The following RLF variants were observed in gnomAD, a reference collection of about 807,000 sequenced individuals.
RLF encodes zinc finger protein Rlf.
Under a neutral mutation model 162.9 loss-of-function variants are expected in RLF, and 7 were observed. The observed-to-expected ratio is 0.04, with a 90% CI of 0.02 to 0.08. RLF has a LOEUF of 0.08. Ranked by LOEUF, RLF falls within the 10% of genes least tolerant of loss-of-function variation. RLF has a pLI of 1.00. For missense variants in RLF, 1,664 were observed against 2,244.7 expected (o/e 0.74, Z 5.23); for synonymous variants, 782 against 791.5 (o/e 0.99, Z 0.20).
At position 40,209,825 on chromosome 1, in the gene RLF, C is replaced by G. The variant is rs1344534131; in HGVS notation, c.810+7211C>G. 2.0e-5 allele frequency among the ~76,000 whole-genome samples: 3 copies of G among 151,020 alleles called. No individual in the cohort carries two copies. The East Asian group carries it at 5.8e-4, about 29-fold the overall frequency. ...CCAGGAGGCAGAGGTTGCAGTAAGC[C>G]AGGATCGTGCCATTTGCACTCGAGC... is the stretch of plus-strand genomic sequence containing the variant. On this transcript the variant is annotated intron_variant, in intron 5 of 7. Transcript: ENST00000372771.
intron 3 of RLF, among the ~76,000 whole-genome samples, chr1:40,193,655 G>A (rs1642590298): frequency 6.6e-6 from 1 of 152,082 alleles, no homozygotes; most frequent in African/African-American, 2.4e-5. Flanking sequence ...TGCAGCATTT[G>A]TTAAATATTG....
chr1:40,178,632 G>GTTTTTTTTTTTTT (rs57391266), intron 1 of RLF, among the ~76,000 whole-genome samples: 21 of 88,412 alleles, frequency 2.4e-4, no homozygotes, highest in East Asian at 7.1e-4. Flanking sequence ...TTTTTTTTTT[G>GTTTTTTTTTTTTT]TTTTTTTTTT....
intron 1 of RLF, among the ~76,000 whole-genome samples, chr1:40,185,615 A>G (rs1167210944): frequency 8.0e-6 from 1 of 125,596 alleles, no homozygotes; most frequent in Non-Finnish European, 1.7e-5. Context: ...GCTCGAGACC[A>G]TCCTGGCTAA....
At chr1:40,192,402 A>G (rs1436051594) in intron 3 of RLF, among the ~76,000 whole-genome samples, 1 of 152,140 alleles carries the variant, frequency 6.6e-6, no homozygotes, top group African/African-American at 2.4e-5. Context: ...AGCATCCCTA[A>G]TCTGAAAATC....
At chr1:40,227,721 G>A (rs965563227) in intron 6 of RLF, among the ~76,000 whole-genome samples, 2 of 152,108 alleles carry the variant, frequency 1.3e-5, no homozygotes, top group African/African-American at 4.8e-5. Flanking sequence ...AATTATTTGA[G>A]TGGCCAGGCA....
Position 40,202,776 on chromosome 1 carries a change from A to T in RLF, c.810+162A>T, listed in dbSNP as rs16827044. Among the ~76,000 whole-genome samples the T allele has an allele frequency of 8.9e-3, 1,357 of 152,366 alleles. 47 individuals are homozygous for T. The highest frequency in any genetic ancestry group is 0.068 in the East Asian group (352 of 5,188). On this transcript the variant is annotated intron_variant, in intron 5 of 7. Coordinates refer to ENST00000372771, the MANE Select transcript of RLF (RefSeq NM_012421.4). ...TTGTATATTTAACTGCTCGACAGAT[A>T]GAATGTAATATTTTAGAGTGAATTT...
In RLF at chr1:40,185,517, T is replaced by TAAAAAA. The variant is rs769379758; in HGVS notation, c.238-3517_238-3512dup. On this transcript the variant is annotated intron_variant, in intron 1 of 7. Transcript: ENST00000372771. ...TAATCCTTTCAACCTAATCTTGCAT[T>TAAAAAA]AAAAAAAAAAAAAAAAAAAAAAAAA... 1.3e-4 allele frequency among the ~76,000 whole-genome samples: 3 copies of TAAAAAA among 23,736 alleles called. 1 individual carries two copies. Among genetic ancestry groups the TAAAAAA allele is most frequent in the Non-Finnish European group, 2.1e-4 (3 of 14,002 alleles). The allele number at this position is 23,736 out of a possible 152,430, so 15.6% of individuals were successfully genotyped here.
intron 6 of RLF, among the ~76,000 whole-genome samples, chr1:40,223,198 A>G (rs1643019867): frequency 6.6e-6 from 1 of 152,176 alleles, no homozygotes; most frequent in Non-Finnish European, 1.5e-5. Context: ...TTTTAATTCA[A>G]TTTATATCTT....
intron 1 of RLF, among the ~76,000 whole-genome samples, chr1:40,173,862 C>T (rs962101104): frequency 2.0e-5 from 3 of 152,086 alleles, no homozygotes; most frequent in Non-Finnish European, 4.4e-5. Context: ...TCTCATGAAG[C>T]GGAACATGTC....
intron 3 of RLF, 90 bp from the exon 4 acceptor site, chr1:40,195,528 CCAAATAGGTTCTTT>C: frequency 1.1e-6 from 1 of 877,720 alleles, no homozygotes; most frequent in Non-Finnish European, 1.7e-6. Context: ...TTCAGGAAAT[CCAAATAGGTTCTTT>C]CAATTCCTAG....
chr1:40,182,438 AAAAAG>A (rs1642416833), intron 1 of RLF, among the ~76,000 whole-genome samples: 2 of 152,196 alleles, frequency 1.3e-5, no homozygotes, highest in Admixed American at 6.5e-5. Flanking sequence ...GTCTCTAAAA[AAAAAG>A]AAAAGAAAAG....
At chr1:40,229,975 G>A (rs192263839) in intron 6 of RLF, among the ~76,000 whole-genome samples, 16 of 151,954 alleles carry the variant, frequency 1.1e-4, no homozygotes, top group East Asian at 2.0e-4. Context: ...TTATCCAGGC[G>A]TGGTGGCACA....
chr1:40,235,912 G>A lies in RLF; in HGVS notation c.1210G>A (p.Glu404Lys), dbSNP rs1322393679. 1.2e-6 allele frequency: 2 copies of A among 1,614,118 alleles called. No individual in the cohort carries two copies. The highest frequency in any genetic ancestry group is 1.7e-6 in the Non-Finnish European group (2 of 1,180,002). The change falls in exon 8 of 8, where the codon GAA (glutamate) becomes AAA (lysine). Residue 404 changes from glutamate to lysine, a missense_variant. Physicochemically the swap from Glu to Lys is moderately conservative, Grantham distance 56 (BLOSUM62 1). Transcript: ENST00000372771. ...VCKTIACLLPEDLEVRRACQL... is the reference protein window; with the variant it reads ...VCKTIACLLPKDLEVRRACQL... ...TAAAACAATTGCCTGTCTTTTACCA[G>A]AAGATTTAGAAGTTAGACGAGCCTG...
intron 1 of RLF, among the ~76,000 whole-genome samples, chr1:40,170,254 G>GT (rs1642224358): frequency 1.3e-5 from 2 of 151,230 alleles, no homozygotes; most frequent in African/African-American, 2.4e-5. Context: ...GCTTTTTTTT[G>GT]TTTTTTGGTT....
intron 5 of RLF, among the ~76,000 whole-genome samples, chr1:40,218,979 G>A (rs1642959512): frequency 6.6e-6 from 1 of 150,680 alleles, no homozygotes; most frequent in Non-Finnish European, 1.5e-5. Flanking sequence ...ACAAAAAATT[G>A]TTTCAGTATC....
At chr1:40,170,325 C>T (rs1400829815) in intron 1 of RLF, among the ~76,000 whole-genome samples, 5 of 152,026 alleles carry the variant, frequency 3.3e-5, no homozygotes, top group Non-Finnish European at 7.4e-5. Context: ...GCAATCACAG[C>T]TCACTGTAGC....
intron 5 of RLF, among the ~76,000 whole-genome samples, chr1:40,212,701 A>G (rs1256920175): frequency 6.6e-6 from 1 of 152,192 alleles, no homozygotes; most frequent in African/African-American, 2.4e-5. Context: ...GTTGATAGAC[A>G]CAATAGCAGA....
chr1:40,224,315 T>A (rs1470767985), intron 6 of RLF, among the ~76,000 whole-genome samples: 1 of 150,978 alleles, frequency 6.6e-6, no homozygotes, highest in Non-Finnish European at 1.5e-5. Context: ...TCTTTTTTTT[T>A]TTTTTTTTTT....
At chr1:40,199,165 A>G (rs1257673689) in intron 4 of RLF, among the ~76,000 whole-genome samples, 1 of 152,248 alleles carries the variant, frequency 6.6e-6, no homozygotes, top group Non-Finnish European at 1.5e-5. Flanking sequence ...ATTTGAGCCC[A>G]GGTGAGGTGA....
Sources: allele counts gnomAD v4.1 joint callset (sites outside exome capture counted in the v4.1 genomes callset), GRCh38; gene constraint gnomAD v4.1.1; transcripts MANE v1.5; gene names NCBI Gene and HGNC (gene_info 2026-07-23, HGNC 2026-07-21).